Variants in MAP4K4 observed in about 807,000 individuals in gnomAD.
MAP4K4 encodes the protein HPK/GCK-like kinase HGK.
Under a neutral mutation model 189.6 loss-of-function variants are expected in MAP4K4, and 38 were observed. That is an observed-to-expected ratio of 0.20 (90% CI 0.15 to 0.26). The LOEUF is 0.26. Ranked by LOEUF, MAP4K4 falls within the 10% of genes least tolerant of loss-of-function variation. The pLI is 1.00. For synonymous variants in MAP4K4, 610 were observed against 624.3 expected (o/e 0.98, Z 0.34); for missense variants, 1,054 against 1,726.9 (o/e 0.61, Z 6.91).
chr2:101,850,860 G>A (rs183349670), intron 12 of MAP4K4, among the ~76,000 whole-genome samples: 22 of 152,080 alleles, frequency 1.4e-4, no homozygotes, highest in Admixed American at 7.8e-4. Flanking sequence ...GGGAAGAAAT[G>A]AATAGTTCTC....
chr2:101,809,205 G>T (rs188809800), intron 3 of MAP4K4, among the ~76,000 whole-genome samples: 1 of 152,050 alleles, frequency 6.6e-6, no homozygotes, highest in Non-Finnish European at 1.5e-5. Context: ...TATATAGCGC[G>T]TATATATGTT....
At chr2:101,767,955 A>G (rs949521791) in intron 2 of MAP4K4, among the ~76,000 whole-genome samples, 1 of 152,194 alleles carries the variant, frequency 6.6e-6, no homozygotes, top group African/African-American at 2.4e-5. Context: ...GACTTACTAT[A>G]AATCAAAACT....
At chr2:101,885,742 A>G (rs1017606418) in intron 29 of MAP4K4, among the ~76,000 whole-genome samples, 1 of 152,266 alleles carries the variant, frequency 6.6e-6, no homozygotes, top group African/African-American at 2.4e-5. Context: ...AAGTGAAAAA[A>G]GTTAAAATAT....
intron 2 of MAP4K4, among the ~76,000 whole-genome samples, chr2:101,746,179 G>A (rs962150879): frequency 1.3e-5 from 2 of 151,810 alleles, no homozygotes; most frequent in East Asian, 1.9e-4. Context: ...GTAGAGACAC[G>A]CTCTTGTTGT....
At chr2:101,819,970 G>A (rs1301853007) in intron 3 of MAP4K4, among the ~76,000 whole-genome samples, 2 of 152,136 alleles carry the variant, frequency 1.3e-5, no homozygotes, top group Non-Finnish European at 2.9e-5. Context: ...GTGCCAATTC[G>A]GGAGTTTTCA....
intron 2 of MAP4K4, among the ~76,000 whole-genome samples, chr2:101,729,101 A>AGAGAGAGAGTGTGTGTGTGTGT (rs149283961): frequency 2.3e-5 from 3 of 130,504 alleles, no homozygotes; most frequent in African/African-American, 9.3e-5. Flanking sequence ...AGAGAGAGAG[A>AGAGAGAGAGTGTGTGTGTGTGT]GTGTGTGTGT....
chr2:101,779,176 G>A (rs2085950126), intron 2 of MAP4K4, among the ~76,000 whole-genome samples: 1 of 152,156 alleles, frequency 6.6e-6, no homozygotes, highest in Non-Finnish European at 1.5e-5. Context: ...TTTGTGGAGT[G>A]AGAGAGGAGG....
Position 101,876,983 on chromosome 2 carries a change from T to G in MAP4K4, c.3242-20T>G, listed in dbSNP as rs1435840993. On this transcript the variant is annotated intron_variant, in intron 26 of 32. Transcript: ENST00000324219. Reference sequence around the variant, plus strand: ...CCAAGCACAGCATAAAATTGAGGCCTTTCTGTGTCCCTGAAACAGGAGTGA... The same window carrying G: ...CCAAGCACAGCATAAAATTGAGGCCGTTCTGTGTCCCTGAAACAGGAGTGA... The G allele has an allele frequency of 6.2e-7, 1 of 1,613,538 alleles. No individual in the cohort carries two copies. Among genetic ancestry groups the G allele is most frequent in the Non-Finnish European group, 8.5e-7 (1 of 1,179,668 alleles).
Position 101,887,257 on chromosome 2 carries a change from C to G in MAP4K4, c.3771+20C>G, listed in dbSNP as rs1559346416. On this transcript the variant is annotated intron_variant, in intron 30 of 32. Coordinates refer to ENST00000324219, the Ensembl canonical transcript of MAP4K4. ...ACACATGTAAGAAAGAACCCACACT[C>G]TATGGTTGGTTGACTGGCTTCATTT... 1 of 1,592,350 alleles carries G rather than the reference C, an allele frequency of 6.3e-7. No individual in the cohort carries two copies. The highest frequency in any genetic ancestry group is 1.8e-5 in the Admixed American group (1 of 54,504).
intron 2 of MAP4K4, among the ~76,000 whole-genome samples, chr2:101,767,329 G>T (rs936452118): frequency 6.6e-6 from 1 of 152,174 alleles, no homozygotes; most frequent in Non-Finnish European, 1.5e-5. Context: ...TGGGAGTTGG[G>T]TGGAGAGGCC....
chr2:101,842,009 G>A (rs1292997562), intron 10 of MAP4K4, among the ~76,000 whole-genome samples: 1 of 152,180 alleles, frequency 6.6e-6, no homozygotes, highest in Non-Finnish European at 1.5e-5. Flanking sequence ...TCTGGCCTAA[G>A]TAGAGCAAAT....
At chr2:101,843,530 A>G (rs2096985190) in intron 11 of MAP4K4, among the ~76,000 whole-genome samples, 1 of 152,212 alleles carries the variant, frequency 6.6e-6, no homozygotes, top group Non-Finnish European at 1.5e-5. Context: ...TATGTTTGCC[A>G]TGCTGCTCTG....
intron 3 of MAP4K4, among the ~76,000 whole-genome samples, chr2:101,809,933 A>G (rs1037103156): frequency 6.6e-6 from 1 of 152,242 alleles, no homozygotes; most frequent in African/African-American, 2.4e-5. Context: ...ATAATGCCAA[A>G]TATACTTACT....
chr2:101,792,047 AT>A (rs2092962886), intron 3 of MAP4K4, among the ~76,000 whole-genome samples: 1 of 152,118 alleles, frequency 6.6e-6, no homozygotes, highest in South Asian at 2.1e-4. Flanking sequence ...ATAAAATATT[AT>A]TTTAAGGTGA....
chr2:101,741,652 G>A (rs2062886533), intron 2 of MAP4K4, among the ~76,000 whole-genome samples: 2 of 151,368 alleles, frequency 1.3e-5, no homozygotes, highest in Admixed American at 6.6e-5. Flanking sequence ...TAAACATAAA[G>A]TTATTTGAAG....
chr2:101,839,702 C>T, intron 9 of MAP4K4, 117 bp from the exon 10 acceptor site: 2 of 741,014 alleles, frequency 2.7e-6, no homozygotes, highest in Non-Finnish European at 4.3e-6. Flanking sequence ...TATGCATTTG[C>T]AGAATGTTCA....
chr2:101,874,168 A>G (rs1577198427), exon 26 of MAP4K4: 1 of 1,613,892 alleles, frequency 6.2e-7, no homozygotes, highest in Non-Finnish European at 8.5e-7. Context: ...GAATCCTACC[A>G]ACACTAGGCC....
intron 22 of MAP4K4, 81 bp downstream of exon 22, chr2:101,869,878 C>A: frequency 6.9e-7 from 1 of 1,448,276 alleles, no homozygotes; most frequent in African/African-American, 1.4e-5. Flanking sequence ...TGTTCCTAGA[C>A]TATTCCGTGA....
intron 2 of MAP4K4, among the ~76,000 whole-genome samples, chr2:101,706,369 A>G (rs2042314902): frequency 6.6e-6 from 1 of 152,188 alleles, no homozygotes; most frequent in African/African-American, 2.4e-5. Context: ...GGTTAAAGTG[A>G]TAGTTGTTTC....
Sources: gnomAD v4.1 joint callset for allele counts (sites outside exome capture counted in the v4.1 genomes callset) on GRCh38, gnomAD v4.1.1 for gene constraint, MANE v1.5 for transcripts, NCBI Gene and HGNC (gene_info 2026-07-23, HGNC 2026-07-21) for gene names.